The following TSPAN15 variants were observed in gnomAD, a reference collection of about 807,000 sequenced individuals.
The protein encoded by TSPAN15 is tetraspanin 15, also known as tetraspanin-15.
Under a neutral mutation model 34.5 loss-of-function variants are expected in TSPAN15, and 20 were observed. That is an observed-to-expected ratio of 0.58 (90% CI 0.41 to 0.84). The LOEUF (loss-of-function observed/expected upper bound fraction) is 0.84, where lower values mean the gene tolerates loss of function less well. TSPAN15 is among the 40% of genes least tolerant of loss of function. TSPAN15 has a pLI of 0.00. For synonymous variants in TSPAN15, 155 were observed against 153.9 expected, an observed-to-expected ratio of 1.01 and a Z score of -0.05; for missense variants, 313 against 386.1, an observed-to-expected ratio of 0.81 and a Z score of 1.59.
chr10:69,457,129 G>T (rs966271203), intron 1 of TSPAN15, among the ~76,000 whole-genome samples: 3 of 152,218 alleles, frequency 2.0e-5, no homozygotes, highest in Non-Finnish European at 4.4e-5. Context: ...TGCCCACGGG[G>T]TATCTTAGAG....
At chr10:69,529,752 A>C in the TSPAN15 span, among the ~76,000 whole-genome samples, 1 of 147,206 alleles carries the variant, frequency 6.8e-6, no homozygotes, top group Non-Finnish European at 1.5e-5. Context: ...TACGTGGATT[A>C]ATTCTTTAGT....
chr10:69,537,892 T>A, the TSPAN15 span, among the ~76,000 whole-genome samples: 1 of 152,150 alleles, frequency 6.6e-6, no homozygotes, highest in East Asian at 1.9e-4. Context: ...CAAAATACCA[T>A]AGGCTGGGGG....
chr10:69,519,787 C>T, the TSPAN15 span, among the ~76,000 whole-genome samples: 1 of 151,968 alleles, frequency 6.6e-6, no homozygotes, highest in African/African-American at 2.4e-5. Context: ...GGCTAGAGTG[C>T]AATGGCGTGA....
chr10:69,498,466 C>A, intron 5 of TSPAN15, 70 bp downstream of exon 5: 1 of 1,279,624 alleles, frequency 7.8e-7, no homozygotes, highest in Non-Finnish European at 1.1e-6. Context: ...TCTCTTTTCT[C>A]TCTTCCCAAC....
intron 1 of TSPAN15, among the ~76,000 whole-genome samples, chr10:69,462,786 C>T (rs1344802732): frequency 1.3e-5 from 2 of 152,216 alleles, no homozygotes; most frequent in Non-Finnish European, 2.9e-5. Context: ...AATGTGAAAC[C>T]TTCTTCTGAC....
chr10:69,518,960 C>T, the TSPAN15 span, among the ~76,000 whole-genome samples: 6 of 152,162 alleles, frequency 3.9e-5, no homozygotes, highest in East Asian at 3.8e-4. Flanking sequence ...CTCTAAGAGA[C>T]GGTCACGAGG....
intron 1 of TSPAN15, among the ~76,000 whole-genome samples, chr10:69,471,067 G>A (rs907886139): frequency 5.3e-5 from 8 of 152,112 alleles, no homozygotes; most frequent in South Asian, 2.1e-4. Context: ...CTTCCTCCCC[G>A]TTTTATTTTT....
the TSPAN15 span, among the ~76,000 whole-genome samples, chr10:69,548,900 C>T: frequency 1.3e-5 from 2 of 151,708 alleles, no homozygotes; most frequent in Admixed American, 6.6e-5. Flanking sequence ...ATGAAAGATT[C>T]TAGAAGGGTC....
intron 3 of TSPAN15, chr10:69,494,854 C>G (rs1345210412): frequency 1.6e-5 from 16 of 985,526 alleles, no homozygotes; most frequent in Non-Finnish European, 1.8e-5. Flanking sequence ...CTGCCCCCGC[C>G]CCTTCCCACT....
chr10:69,482,340 A>G (rs555135622), intron 1 of TSPAN15, among the ~76,000 whole-genome samples: 1 of 152,364 alleles, frequency 6.6e-6, no homozygotes, highest in African/African-American at 2.4e-5. Flanking sequence ...CACACATGGC[A>G]GTTGACAAGC....
intron 5 of TSPAN15, among the ~76,000 whole-genome samples, chr10:69,503,549 T>A (rs1164217526): frequency 6.6e-6 from 1 of 152,202 alleles, no homozygotes; most frequent in African/African-American, 2.4e-5. Context: ...AAGGTTGGGC[T>A]CTGCTCCTAA....
chr10:69,501,127 A>T (rs989699958), intron 5 of TSPAN15, among the ~76,000 whole-genome samples: 5 of 152,222 alleles, frequency 3.3e-5, no homozygotes, highest in African/African-American at 1.2e-4. Context: ...GAGGACTGCA[A>T]GGAGGCAGGC....
intron 4 of TSPAN15, 90 bp downstream of exon 4, chr10:69,495,779 A>G (rs1234737417): frequency 2.2e-6 from 2 of 915,472 alleles, no homozygotes; most frequent in East Asian, 2.5e-5. Context: ...GTGAGGGACC[A>G]GGTGACTTAT....
rs1842349497 is a variant in TSPAN15, at chr10:69,507,184, G to A, written c.*206G>A. On this transcript the variant is annotated 3_prime_UTR_variant, in exon 8 of 8. Coordinates refer to ENST00000373290, the MANE Select transcript of TSPAN15 (RefSeq NM_012339.5). ...GCCTCCCCTAAGAGGCTTTCCCCGA[G>A]GCAGCTCTGGAATCTGTGCCCACCT... is the stretch of plus-strand genomic sequence containing the variant. The A allele has an allele frequency of 5.6e-6, 8 of 1,420,572 alleles. No individual in the cohort carries two copies. The highest frequency in any genetic ancestry group is 7.3e-6 in the Non-Finnish European group (8 of 1,093,650). The allele number at this position is 1,420,572 out of a possible 1,614,324, so 88.0% of individuals were successfully genotyped here.
the TSPAN15 span, among the ~76,000 whole-genome samples, chr10:69,534,300 TC>T: frequency 6.6e-6 from 1 of 152,182 alleles, no homozygotes; most frequent in African/African-American, 2.4e-5. Context: ...CATTGCCCCT[TC>T]CTGTGGAATC....
downstream of TSPAN15, among the ~76,000 whole-genome samples, chr10:69,510,560 C>G (rs946126616): frequency 1.7e-4 from 26 of 152,144 alleles, no homozygotes; most frequent in African/African-American, 6.0e-4. Context: ...ATTTGAATAC[C>G]CTTTATTTCT....
At position 69,477,809 on chromosome 10, in the gene TSPAN15, G is replaced by C. The variant is rs182304698; in HGVS notation, c.97-5882G>C. ...CGAGTTTTGGTTGTGAATCCTGACT[G>C]TCTCATGGGTTCTGTGCTGCTTAGT... On this transcript the variant is annotated intron_variant, in intron 1 of 7. Transcript: ENST00000373290. Among the ~76,000 whole-genome samples, 275 of 152,288 alleles carry C rather than the reference G, an allele frequency of 1.8e-3. 1 individual carries two copies. The highest frequency in any genetic ancestry group is 6.4e-3 in the African/African-American group (265 of 41,566).
At chr10:69,455,097 G>A (rs1362208539) in intron 1 of TSPAN15, among the ~76,000 whole-genome samples, 4 of 150,610 alleles carry the variant, frequency 2.7e-5, no homozygotes, top group Non-Finnish European at 5.9e-5. Context: ...GGGAAGCGGA[G>A]GTTGCAGTGA....
the TSPAN15 span, among the ~76,000 whole-genome samples, chr10:69,534,877 G>T: frequency 6.6e-6 from 1 of 151,388 alleles, no homozygotes; most frequent in African/African-American, 2.4e-5. Flanking sequence ...CTAGCTACTC[G>T]GGAGGCTGAG....
Sources: gnomAD v4.1 joint callset for allele counts (sites outside exome capture counted in the v4.1 genomes callset) on GRCh38, gnomAD v4.1.1 for gene constraint, MANE v1.5 for transcripts, NCBI Gene and HGNC (gene_info 2026-07-23, HGNC 2026-07-21) for gene names.